The following NAA38 variants were observed in gnomAD, a reference collection of about 807,000 sequenced individuals.
NAA38 encodes the protein LSM domain containing 1.
A neutral mutation model predicts 12.6 loss-of-function variants in NAA38; 15 were observed. That is an observed-to-expected ratio of 1.19 (90% CI 0.79 to 1.83). The LOEUF is 1.83. Among genes scored for constraint, NAA38 ranks in the 40% most tolerant of loss-of-function variants. The pLI, the probability that NAA38 is intolerant of heterozygous loss-of-function variation, is 0.00. For synonymous variants in NAA38, 88 were observed against 69.9 expected, an observed-to-expected ratio of 1.26 and a Z score of -1.29; for missense variants, 183 against 171.7, an observed-to-expected ratio of 1.07 and a Z score of -0.37.
intron 2 of NAA38, among the ~76,000 whole-genome samples, chr17:7,868,498 G>A (rs1332069019): frequency 6.6e-6 from 1 of 152,050 alleles, no homozygotes; most frequent in Admixed American, 6.6e-5. Flanking sequence ...ACCTTCCTTT[G>A]GATTCCATTT....
At chr17:7,880,680 G>A (rs2029739) in intron 2 of NAA38, among the ~76,000 whole-genome samples, 12,868 of 152,220 alleles carry the variant, frequency 0.085, 865 homozygotes, top group East Asian at 0.25. Flanking sequence ...TGTAAGCTCA[G>A]CTTACTGTTA....
Position 7,857,371 on chromosome 17 carries a change from G to A in NAA38, c.81+12C>T, listed in dbSNP as rs1402518237. On this transcript the variant is annotated intron_variant, in intron 1 of 2. Coordinates refer to ENST00000575771, the MANE Select transcript of NAA38 (RefSeq NM_001320925.4). ...ACTGCCCCTCAGTCCCAGAACCAGAGCCCGTGCTAACCCCAGCACTGGAGC... is the reference window on the plus strand; with the variant it reads ...ACTGCCCCTCAGTCCCAGAACCAGAACCCGTGCTAACCCCAGCACTGGAGC... 3 of 1,612,538 alleles carry A rather than the reference G, an allele frequency of 1.9e-6. No homozygotes were observed. Among genetic ancestry groups the A allele is most frequent in the Non-Finnish European group, 2.5e-6 (3 of 1,179,624 alleles).
chr17:7,866,371 G>A (rs1379009583), intron 3 of NAA38: 2 of 719,370 alleles, frequency 2.8e-6, no homozygotes, highest in Middle Eastern at 4.4e-4. Flanking sequence ...GCCTCCCAGA[G>A]TGCTGGAATT....
intron 2 of NAA38, among the ~76,000 whole-genome samples, chr17:7,882,629 T>TA (rs982574388): frequency 2.0e-5 from 3 of 151,420 alleles, no homozygotes; most frequent in Admixed American, 6.6e-5. Flanking sequence ...GAGGAGGAGT[T>TA]AGACTTAGTA....
upstream of NAA38, chr17:7,857,908 C>G: frequency 7.1e-7 from 1 of 1,415,032 alleles, no homozygotes; most frequent in African/African-American, 1.4e-5. Flanking sequence ...TCCTTATATG[C>G]CCCACGCGGG....
At chr17:7,874,897 A>T (rs1424239516) in intron 2 of NAA38, among the ~76,000 whole-genome samples, 1 of 150,038 alleles carries the variant, frequency 6.7e-6, no homozygotes, top group Non-Finnish European at 1.5e-5. Flanking sequence ...AAAAAAAAAA[A>T]AAAAAAAAAA....
intron 2 of NAA38, among the ~76,000 whole-genome samples, chr17:7,881,346 A>G (rs1967269077): frequency 6.6e-6 from 1 of 152,168 alleles, no homozygotes; most frequent in Non-Finnish European, 1.5e-5. Flanking sequence ...CAGACAGCAA[A>G]AAGGCAGGAA....
chr17:7,857,665 G>T (rs3744251), upstream of NAA38: 1 of 1,324,848 alleles, frequency 7.5e-7, no homozygotes. Context: ...GTACTACGCC[G>T]GATGTCTTAA....
chr17:7,858,608 C>T (rs3744252), upstream of NAA38: 169,373 of 1,604,780 alleles, frequency 0.11, 10,059 homozygotes, highest in Admixed American at 0.16. Flanking sequence ...CTTTAAAGAT[C>T]CGCAAGCACA....
chr17:7,884,787 G>C (rs1476592505), intron 1 of NAA38: 16 of 427,962 alleles, frequency 3.7e-5, no homozygotes. Context: ...GGGGGGTGGT[G>C]GGGGGGCCAG....
chr17:7,870,093 G>A (rs940271438), intron 2 of NAA38, among the ~76,000 whole-genome samples: 1 of 152,128 alleles, frequency 6.6e-6, no homozygotes, highest in Non-Finnish European at 1.5e-5. Flanking sequence ...CATCACAGTG[G>A]TCAATCGAAG....
chr17:7,870,727 A>G (rs1967070913), intron 2 of NAA38, among the ~76,000 whole-genome samples: 1 of 151,962 alleles, frequency 6.6e-6, no homozygotes. Context: ...ACTAAAAAAA[A>G]TACACAAAAA....
upstream of NAA38, chr17:7,858,359 C>T: frequency 6.2e-7 from 1 of 1,614,082 alleles, no homozygotes; most frequent in African/African-American, 1.3e-5. Flanking sequence ...TTGCCTGGTT[C>T]TCGAAGGGCT....
At chr17:7,859,470 G>T, upstream of NAA38, 1 of 1,614,052 alleles carries the variant, frequency 6.2e-7, no homozygotes, top group Non-Finnish European at 8.5e-7. Context: ...AAATATGAAG[G>T]GAAGAACCTG....
intron 2 of NAA38, among the ~76,000 whole-genome samples, chr17:7,877,386 T>A (rs1483108508): frequency 6.6e-5 from 10 of 151,420 alleles, no homozygotes; most frequent in Admixed American, 3.9e-4. Flanking sequence ...TTTTTTTTTT[T>A]ACAAGTTGCT....
intron 2 of NAA38, 22 bp from the exon 3 acceptor site, chr17:7,856,865 T>C: frequency 6.2e-7 from 1 of 1,611,760 alleles, no homozygotes; most frequent in Non-Finnish European, 8.5e-7. Context: ...GATCAGAGCA[T>C]CAGGAAAGTA....
chr17:7,861,808 TA>T (rs749967212), upstream of NAA38: 1 of 152,266 alleles, frequency 6.6e-6, no homozygotes, highest in Non-Finnish European at 1.5e-5. Flanking sequence ...AAAACAAACC[TA>T]AACATCGAAC....
intron 2 of NAA38, 50 bp downstream of exon 2, chr17:7,856,965 G>GT: frequency 6.3e-7 from 1 of 1,587,298 alleles, no homozygotes; most frequent in Admixed American, 1.7e-5. Flanking sequence ...AATGCCTTGC[G>GT]TAAGGTTCCG....
At chr17:7,869,044 G>A (rs1000570951) in intron 2 of NAA38, among the ~76,000 whole-genome samples, 5 of 152,206 alleles carry the variant, frequency 3.3e-5, no homozygotes, top group African/African-American at 1.2e-4. Context: ...CTCAGGTTGT[G>A]AATCTTCTCA....
Sources: allele counts gnomAD v4.1 joint callset (sites outside exome capture counted in the v4.1 genomes callset), GRCh38; gene constraint gnomAD v4.1.1; transcripts MANE v1.5; gene names NCBI Gene and HGNC (gene_info 2026-07-23, HGNC 2026-07-21).